GPR155: variants seen among roughly 807,000 people sequenced by gnomAD.
The protein encoded by GPR155 is lysosomal cholesterol signaling protein.
Under a neutral mutation model 93.1 loss-of-function variants are expected in GPR155, and 65 were observed. The observed-to-expected ratio is 0.70, with a 90% CI of 0.57 to 0.86. The LOEUF is 0.86. GPR155 is among the 40% of genes least tolerant of loss of function. The probability of loss-of-function intolerance (pLI) is 0.00; values close to 1 mark genes in which losing one functional copy is unlikely to be tolerated. For synonymous variants in GPR155, 319 were observed against 360.1 expected (o/e 0.89, Z 1.29); for missense variants, 838 against 1,034.8 (o/e 0.81, Z 2.61).
chr2:174,442,111 T>C lies in GPR155; in HGVS notation c.2174+8A>G. ...ACAGATACAGATTTATTTCAAAACT[T>C]AATTTACCTTCTTTTGAAAGGCAGG... On this transcript the variant is annotated splice_region_variant and intron_variant, in intron 14 of 15. Coordinates refer to ENST00000392552, the MANE Select transcript of GPR155 (RefSeq NM_152529.7). The C allele has an allele frequency of 7.9e-7, 1 of 1,264,862 alleles. No homozygotes were observed. The highest frequency in any genetic ancestry group is 1.2e-6 in the Non-Finnish European group (1 of 863,264). The allele number at this position is 1,264,862 out of a possible 1,614,324, so 78.4% of individuals were successfully genotyped here. A position where few individuals can be genotyped will look rare whatever the true frequency, so the allele number is the denominator to read the frequency against.
intron 3 of GPR155, among the ~76,000 whole-genome samples, chr2:174,471,115 T>C (rs1435879008): frequency 2.0e-5 from 3 of 151,678 alleles, no homozygotes; most frequent in Admixed American, 2.0e-4. Flanking sequence ...CCTGCCGGCA[T>C]GGTGGCTCAA....
chr2:174,472,920 G>A (rs775248826), intron 3 of GPR155, 45 bp downstream of exon 3: 11 of 1,510,400 alleles, frequency 7.3e-6, no homozygotes, highest in South Asian at 1.3e-5. Context: ...GGCTAAATAC[G>A]GCTTTCAAAA....
intron 10 of GPR155, among the ~76,000 whole-genome samples, chr2:174,456,218 A>G (rs568846853): frequency 2.6e-5 from 4 of 152,300 alleles, no homozygotes; most frequent in African/African-American, 7.2e-5. Context: ...TTAGAGATGC[A>G]ACATTAGGAA....
At chr2:174,446,457 C>T (rs754974773) in intron 12 of GPR155, among the ~76,000 whole-genome samples, 154 bp downstream of exon 12, 3 of 152,146 alleles carry the variant, frequency 2.0e-5, no homozygotes, top group Non-Finnish European at 4.4e-5. Flanking sequence ...CTTCCCCTCA[C>T]ACCTGCAATT....
At chr2:174,484,175 T>C (rs905262489) in intron 1 of GPR155, among the ~76,000 whole-genome samples, 57 of 152,264 alleles carry the variant, frequency 3.7e-4, no homozygotes, top group African/African-American at 1.3e-3. Flanking sequence ...TAGGATTAGA[T>C]AGCAGTGGTC....
At chr2:174,441,415 TA>T (rs763387742) in intron 14 of GPR155, among the ~76,000 whole-genome samples, 23 of 151,428 alleles carry the variant, frequency 1.5e-4, no homozygotes, top group African/African-American at 2.9e-4. Flanking sequence ...TATATATATT[TA>T]AAAAATTTTT....
At position 174,432,965 on chromosome 2, in the gene GPR155, G is replaced by C. The variant is rs1186990298; in HGVS notation, c.*3151C>G. 1.3e-5 allele frequency: 2 copies of C among 151,610 alleles called. No individual in the cohort carries two copies. Among genetic ancestry groups the C allele is most frequent in the Non-Finnish European group, 2.9e-5 (2 of 67,956 alleles). The allele number at this position is 151,610 out of a possible 1,614,324, so 9.4% of individuals were successfully genotyped here. A position where few individuals can be genotyped will look rare whatever the true frequency, so the allele number is the denominator to read the frequency against. On this transcript the variant is annotated 3_prime_UTR_variant, in exon 16 of 16. Coordinates refer to ENST00000392552, the MANE Select transcript of GPR155 (RefSeq NM_152529.7). ...TTTTTAGTAGAGACGGGATTTCACCGCATTAATCAGGGTGGTCTCGATCTC... is the reference window on the plus strand; with the variant it reads ...TTTTTAGTAGAGACGGGATTTCACCCCATTAATCAGGGTGGTCTCGATCTC...
chr2:174,481,028 C>T lies in GPR155; in HGVS notation c.460+469G>A, dbSNP rs181070372. Reference sequence around the variant, plus strand: ...TCCTAGGCTCAAGTGATCTGCCCCCCTCGGCCTCCCAAAGTGCTGGGATTA... The same window carrying T: ...TCCTAGGCTCAAGTGATCTGCCCCCTTCGGCCTCCCAAAGTGCTGGGATTA... On this transcript the variant is annotated intron_variant, in intron 2 of 15. Coordinates refer to ENST00000392552, the MANE Select transcript of GPR155 (RefSeq NM_152529.7). Among the ~76,000 whole-genome samples the T allele has an allele frequency of 1.4e-3, 215 of 152,308 alleles. 3 individuals carry two copies. Among genetic ancestry groups the T allele is most frequent in the Admixed American group, 0.012 (184 of 15,300 alleles).
intron 11 of GPR155, among the ~76,000 whole-genome samples, chr2:174,448,072 T>C (rs1687192278): frequency 6.6e-6 from 1 of 152,084 alleles, no homozygotes; most frequent in African/African-American, 2.4e-5. Context: ...CAAGATGGAC[T>C]AAGATTTAAA....
At chr2:174,484,238 G>A (rs1688410494) in intron 1 of GPR155, among the ~76,000 whole-genome samples, 1 of 152,202 alleles carries the variant, frequency 6.6e-6, no homozygotes, top group African/African-American at 2.4e-5. Flanking sequence ...TACCAAATAA[G>A]CATCAAATTA....
chr2:174,474,718 ATG>A (rs930725656), intron 2 of GPR155, among the ~76,000 whole-genome samples: 9 of 152,086 alleles, frequency 5.9e-5, no homozygotes, highest in African/African-American at 1.7e-4. Flanking sequence ...ACTGCATAAG[ATG>A]TGTTTTTTTA....
chr2:174,475,773 G>A (rs945707377), intron 2 of GPR155, among the ~76,000 whole-genome samples: 1 of 152,104 alleles, frequency 6.6e-6, no homozygotes. Flanking sequence ...TATCTCAAGA[G>A]AAAGATGTTC....
At chr2:174,469,154 C>CTAAAATAAAATAAAAATAAAA in intron 4 of GPR155, 87 bp from the exon 5 acceptor site, 1 of 1,138,490 alleles carries the variant, frequency 8.8e-7, no homozygotes, top group Non-Finnish European at 1.3e-6. Context: ...CTAAAGCATT[C>CTAAAATAAAATAAAAATAAAA]TAAAATAAAA....
rs1409226529 is a variant in GPR155, at chr2:174,446,330, A to G, written c.2013+281T>C. Among the ~76,000 whole-genome samples, 405 of 136,402 alleles carry G rather than the reference A, an allele frequency of 3.0e-3. 9 individuals are homozygous for G. Among genetic ancestry groups the G allele is most frequent in the African/African-American group, 1.0e-2 (365 of 36,620 alleles). 89.5% of individuals were successfully genotyped at this position (136,402 alleles called of 152,430 possible). ...TCAAAAAAAAAAAAAATAAAAAATAAAAAGAAATAGCTGCTTTTACCAAAT... is the reference window on the plus strand; with the variant it reads ...TCAAAAAAAAAAAAAATAAAAAATAGAAAGAAATAGCTGCTTTTACCAAAT... On this transcript the variant is annotated intron_variant, in intron 12 of 15. Transcript: ENST00000392552.
chr2:174,484,926 C>CT (rs1158327517), intron 1 of GPR155, among the ~76,000 whole-genome samples: 2 of 152,088 alleles, frequency 1.3e-5, no homozygotes, highest in Admixed American at 1.3e-4. Context: ...CAAAGACCTC[C>CT]TTAGAGGGAT....
Position 174,467,837 on chromosome 2 carries a change from G to A in GPR155, c.1182+1075C>T, listed in dbSNP as rs142216814. Among the ~76,000 whole-genome samples, 360 of 46,622 alleles carry A rather than the reference G, an allele frequency of 7.7e-3. 1 individual carries two copies. Among genetic ancestry groups the A allele is most frequent in the African/African-American group, 0.018 (346 of 19,552 alleles). 30.6% of individuals were successfully genotyped at this position (46,622 alleles called of 152,430 possible). On this transcript the variant is annotated intron_variant, in intron 5 of 15. Transcript: ENST00000392552. ...TGAAACCTCTGCCTCCCAGACTCAA[G>A]TGACTCTTGTGCCTCCAGCCACCCA...
Position 174,481,648 on chromosome 2 carries a change from T to G in GPR155, c.309A>C (p.Leu103=), listed in dbSNP as rs1198180181. ...LNFSNVDWSF[L]YSILIAKASV... ...AAGCTTTGGCAATTAAGATACTATA[T>G]AGGAAGGACCAGTCCACATTGGAAA... Residue 103 remains leucine, a synonymous_variant, in exon 2 of 16, where the codon CTA becomes CTC. Coordinates refer to ENST00000392552, the MANE Select transcript of GPR155 (RefSeq NM_152529.7). The G allele has an allele frequency of 6.2e-7, 1 of 1,613,846 alleles. No individual in the cohort carries two copies. The highest frequency in any genetic ancestry group is 1.7e-5 in the Admixed American group (1 of 60,026).
In GPR155 at chr2:174,461,632, C is replaced by T. The variant is rs1049880877; in HGVS notation, c.1425G>A (p.Glu475=). 15 of 1,611,578 alleles carry T rather than the reference C, an allele frequency of 9.3e-6. No homozygotes were observed. Among genetic ancestry groups the T allele is most frequent in the African/African-American group, 1.3e-5 (1 of 74,882 alleles). Residue 475 remains glutamate (E), a synonymous_variant, in exon 8 of 16, where the codon GAG becomes GAA. Coordinates refer to ENST00000392552, the MANE Select transcript of GPR155 (RefSeq NM_152529.7). ...AISLFLLKKR[E]RVQIPVGIII... is the part of the protein sequence containing the mutation. ...TTATTCCAACAGGAATTTGTACCCTCTCTCGCTTTTTCAAAAGAAACAAAG... is the reference window on the plus strand; with the variant it reads ...TTATTCCAACAGGAATTTGTACCCTTTCTCGCTTTTTCAAAAGAAACAAAG...
chr2:174,468,512 T>C lies in GPR155; in HGVS notation c.1182+400A>G, dbSNP rs972744112. 8.5e-5 allele frequency among the ~76,000 whole-genome samples: 13 copies of C among 152,240 alleles called. No homozygotes were observed. In the East Asian group the frequency reaches 1.7e-3, roughly 20 times the overall value. ...GATTCTAGAACAGCTAGGAATTCTA[T>C]AGTGATTCATCATTTGCAGAATGCT... On this transcript the variant is annotated intron_variant, in intron 5 of 15. Transcript: ENST00000392552.
Sources: gnomAD v4.1 joint callset for allele counts (sites outside exome capture counted in the v4.1 genomes callset) on GRCh38, gnomAD v4.1.1 for gene constraint, MANE v1.5 for transcripts, NCBI Gene and HGNC (gene_info 2026-07-23, HGNC 2026-07-21) for gene names.